The following RNF115 variants were observed in gnomAD, a reference collection of about 807,000 sequenced individuals.
RNF115 encodes ring finger protein 115.
Under a neutral mutation model 39.2 loss-of-function variants are expected in RNF115, and 31 were observed. That is an observed-to-expected ratio of 0.79 (90% CI 0.59 to 1.07). RNF115 has a LOEUF of 1.07. Ranked by LOEUF, RNF115 falls within the 50% of genes least tolerant of loss-of-function variation. The pLI, the probability that RNF115 is intolerant of heterozygous loss-of-function variation, is 0.00. For synonymous variants in RNF115, 124 were observed against 131.0 expected, an observed-to-expected ratio of 0.95 and a Z score of 0.37; for missense variants, 384 against 381.7, an observed-to-expected ratio of 1.01 and a Z score of -0.05.
intron 2 of RNF115, among the ~76,000 whole-genome samples, chr1:145,784,884 T>C (rs1020533744): frequency 9.2e-5 from 14 of 152,126 alleles, no homozygotes; most frequent in African/African-American, 3.4e-4. Context: ...AATTCGGATT[T>C]GACCTATCAA....
intron 3 of RNF115, among the ~76,000 whole-genome samples, chr1:145,774,046 G>A (rs1181595198): frequency 6.6e-6 from 1 of 152,138 alleles, no homozygotes; most frequent in African/African-American, 2.4e-5. Flanking sequence ...TTCTGGCGAA[G>A]TATTTGCTTG....
At chr1:145,771,963 A>C in intron 3 of RNF115, 44 bp from the exon 4 acceptor site, 1 of 1,480,058 alleles carries the variant, frequency 6.8e-7, no homozygotes, top group South Asian at 1.2e-5. Context: ...AAAATCAATC[A>C]ATAAACACCT....
intron 1 of RNF115, among the ~76,000 whole-genome samples, chr1:145,800,318 CTATTT>C: frequency 6.6e-6 from 1 of 152,126 alleles, no homozygotes; most frequent in Non-Finnish European, 1.5e-5. Flanking sequence ...ATTGTTATTG[CTATTT>C]TACAAACAAG....
chr1:145,790,468 T>C (rs137866573), intron 1 of RNF115, among the ~76,000 whole-genome samples: 40 of 151,994 alleles, frequency 2.6e-4, no homozygotes, highest in African/African-American at 8.2e-4. Context: ...GTTTCGCTCT[T>C]GCTGCCCAAG....
chr1:145,775,242 T>C (rs1647828366), intron 3 of RNF115, among the ~76,000 whole-genome samples: 2 of 152,178 alleles, frequency 1.3e-5, no homozygotes, highest in South Asian at 4.1e-4. Flanking sequence ...ATATGCTATG[T>C]TTTTTCCTAT....
In RNF115 at chr1:145,778,287, T is replaced by C. The variant is rs1467209382; in HGVS notation, c.219+6252A>G. 3.3e-5 allele frequency among the ~76,000 whole-genome samples: 5 copies of C among 152,260 alleles called. No individual in the cohort carries two copies. In the Middle Eastern group the frequency reaches 0.014, roughly 414 times the overall value. On this transcript the variant is annotated intron_variant, in intron 3 of 8. Transcript: ENST00000582693. Reference sequence around the variant, plus strand: ...CAAATATCCTATATAGGCAAATCCATAGAGACAGAAAATAGATTGGTGGTT... The same window carrying C: ...CAAATATCCTATATAGGCAAATCCACAGAGACAGAAAATAGATTGGTGGTT...
intron 4 of RNF115, among the ~76,000 whole-genome samples, chr1:145,764,495 T>C (rs1292269644): frequency 3.3e-5 from 5 of 151,502 alleles, no homozygotes; most frequent in Non-Finnish European, 5.9e-5. Context: ...CGCGACCCCG[T>C]CTGGGAGGTG....
At chr1:145,798,731 G>GA (rs1649092672) in intron 1 of RNF115, among the ~76,000 whole-genome samples, 1 of 152,096 alleles carries the variant, frequency 6.6e-6, no homozygotes, top group South Asian at 2.1e-4. Flanking sequence ...GTATTCTGTT[G>GA]AATCTGTAGA....
chr1:145,782,789 C>G (rs2101555880), intron 3 of RNF115, among the ~76,000 whole-genome samples: 1 of 152,304 alleles, frequency 6.6e-6, no homozygotes, highest in African/African-American at 2.4e-5. Flanking sequence ...TGTGTTATCA[C>G]AAATAGCACA....
chr1:145,805,162 T>C (rs1176816044), intron 1 of RNF115, among the ~76,000 whole-genome samples: 1 of 152,202 alleles, frequency 6.6e-6, no homozygotes, highest in South Asian at 2.1e-4. Context: ...AAAGTAATAC[T>C]TGGAATTCTA....
In RNF115 at chr1:145,823,950, C is replaced by G. The variant is rs1032785187; in HGVS notation, c.-77G>C. ...AGGCCGCTACCTCCCGAGCTGCAGT[C>G]GTCGCCGCCGCCGCCGCCTCGGTGC... On this transcript the variant is annotated 5_prime_UTR_variant, in exon 1 of 9. Coordinates refer to ENST00000582693, the MANE Select transcript of RNF115 (RefSeq NM_014455.4). 297 of 1,066,024 alleles carry G rather than the reference C, an allele frequency of 2.8e-4. 1 individual carries two copies. Among genetic ancestry groups the G allele is most frequent in the Non-Finnish European group, 1.2e-4 (94 of 793,000 alleles). The allele number at this position is 1,066,024 out of a possible 1,614,324, so 66.0% of individuals were successfully genotyped here. A position where few individuals can be genotyped will look rare whatever the true frequency, so the allele number is the denominator to read the frequency against.
chr1:145,742,187 C>T lies in RNF115; in HGVS notation c.*4679G>A, dbSNP rs1475672195. 1 of 152,138 alleles carries T rather than the reference C, an allele frequency of 6.6e-6. No individual in the cohort carries two copies. The highest frequency in any genetic ancestry group is 2.4e-5 in the African/African-American group (1 of 41,428). 9.4% of individuals were successfully genotyped at this position (152,138 alleles called of 1,614,324 possible). A position where few individuals can be genotyped will look rare whatever the true frequency, so the allele number is the denominator to read the frequency against. Reference sequence around the variant, plus strand: ...TGTTGTCATTTAAAACAGACACAGACTATGCTTCCCTCCTGATTTATTAAG... The same window carrying T: ...TGTTGTCATTTAAAACAGACACAGATTATGCTTCCCTCCTGATTTATTAAG... On this transcript the variant is annotated 3_prime_UTR_variant, in exon 9 of 9. Coordinates refer to ENST00000582693, the MANE Select transcript of RNF115 (RefSeq NM_014455.4).
chr1:145,782,070 T>C (rs1221480889), intron 3 of RNF115, among the ~76,000 whole-genome samples: 1 of 151,870 alleles, frequency 6.6e-6, no homozygotes, highest in Admixed American at 6.6e-5. Flanking sequence ...GCCTGGCTAA[T>C]TTTTTGTATT....
chr1:145,749,933 A>G (rs1553712217), intron 7 of RNF115, among the ~76,000 whole-genome samples: 1 of 152,242 alleles, frequency 6.6e-6, no homozygotes, highest in Non-Finnish European at 1.5e-5. Context: ...CAGTGCTTAC[A>G]AATAAAATAG....
chr1:145,749,503 G>C (rs1553712167), intron 7 of RNF115, among the ~76,000 whole-genome samples: 1 of 152,094 alleles, frequency 6.6e-6, no homozygotes, highest in South Asian at 2.1e-4. Context: ...CCTTAAGATG[G>C]CAGCACCATG....
At chr1:145,812,339 T>G (rs373083587) in intron 1 of RNF115, among the ~76,000 whole-genome samples, 1 of 141,746 alleles carries the variant, frequency 7.1e-6, no homozygotes, top group Non-Finnish European at 1.6e-5. Context: ...TTAATCTGTC[T>G]TAACAGATTT....
chr1:145,801,346 A>C (rs1471638671), intron 1 of RNF115, among the ~76,000 whole-genome samples: 2 of 152,132 alleles, frequency 1.3e-5, no homozygotes, highest in Non-Finnish European at 2.9e-5. Flanking sequence ...CGGAGGGAGG[A>C]TCACTTGAGG....
In RNF115 at chr1:145,747,050, A is replaced by G. The variant is rs1227618011; in HGVS notation, c.784-53T>C. ...GAAGATCCTGGCCTGAGAAGCTGGG[A>G]GTATTGTACACTTAAATAACCCTGA... On this transcript the variant is annotated intron_variant, in intron 8 of 8. Transcript: ENST00000582693. 5 of 1,548,440 alleles carry G rather than the reference A, an allele frequency of 3.2e-6. No homozygotes were observed. In the African/African-American group the frequency reaches 6.9e-5, roughly 21 times the overall value.
intron 2 of RNF115, among the ~76,000 whole-genome samples, chr1:145,786,255 G>A: frequency 1.3e-5 from 2 of 152,296 alleles, no homozygotes; most frequent in Middle Eastern, 3.4e-3. Context: ...AAGTTTAAGA[G>A]CAGATGGAGC....
Sources: allele counts gnomAD v4.1 joint callset (sites outside exome capture counted in the v4.1 genomes callset), GRCh38; gene constraint gnomAD v4.1.1; transcripts MANE v1.5; gene names NCBI Gene and HGNC (gene_info 2026-07-23, HGNC 2026-07-21).